The following CFTR variants were observed in gnomAD, a reference collection of about 807,000 sequenced individuals.
CFTR encodes cystic fibrosis transmembrane conductance regulator.
Under a neutral mutation model 171.6 loss-of-function variants are expected in CFTR, and 181 were observed. The ratio of observed to expected loss-of-function variants is 1.05; its 90% CI spans 0.93 to 1.19. CFTR has a LOEUF of 1.19. Among genes scored for constraint, CFTR ranks in the 50% most tolerant of loss-of-function variants. CFTR has a pLI of 0.00. For synonymous variants in CFTR, 583 were observed against 608.0 expected, an observed-to-expected ratio of 0.96 and a Z score of 0.60; for missense variants, 1,968 against 1,734.7, an observed-to-expected ratio of 1.13 and a Z score of -2.39.
Position 117,509,016 on chromosome 7 carries a change from CTT to C in CFTR, c.165-14_165-13del. ...TTGCACATGCAACTTATTGGTCCCA[CTT>C]TTTATTCTTTTGCAGAGAATGGGAT... On this transcript the variant is annotated splice_polypyrimidine_tract_variant and intron_variant, in intron 2 of 26. Transcript: ENST00000003084. 1 of 1,493,770 alleles carries C rather than the reference CTT, an allele frequency of 6.7e-7. No homozygotes were observed. The highest frequency in any genetic ancestry group is 9.3e-7 in the Non-Finnish European group (1 of 1,071,174). The allele number at this position is 1,493,770 out of a possible 1,614,324, so 92.5% of individuals were successfully genotyped here.
At chr7:117,487,923 T>A (rs1436254350) in intron 1 of CFTR, 1 of 152,166 alleles carries the variant, frequency 6.6e-6, no homozygotes, top group African/African-American at 2.4e-5. Flanking sequence ...AAATGAAGCC[T>A]ATGTTGGCTG....
Position 117,540,314 on chromosome 7 carries a change from T to C in CFTR, c.1084T>C (p.Tyr362His). 6.2e-7 allele frequency: 1 copy of C among 1,613,974 alleles called. No homozygotes were observed. The highest frequency in any genetic ancestry group is 1.7e-5 in the Admixed American group (1 of 60,026). Residue 362 changes from tyrosine (Y) to histidine (H), a missense_variant, in exon 8 of 27, where the codon TAT becomes CAT. Tyr to His is a moderately conservative substitution (Grantham distance 83). Transcript: ENST00000003084. The stretch of plus-strand genomic sequence containing the variant: ...ATTTCCCTGGGCTGTACAAACATGG[T>C]ATGACTCTCTTGGAGCAATAAACAA... ...RQFPWAVQTW[Y>H]DSLGAINKIQ...
chr7:117,634,522 CT>C (rs1476841997), intron 22 of CFTR, among the ~76,000 whole-genome samples: 1 of 151,936 alleles, frequency 6.6e-6, no homozygotes, highest in African/African-American at 2.4e-5. Flanking sequence ...ATTTGATCTT[CT>C]TTTGCTAGTT....
chr7:117,513,442 A>G lies in CFTR; in HGVS notation c.273+4300A>G, dbSNP rs867249552. Among the ~76,000 whole-genome samples the G allele has an allele frequency of 1.4e-4, 21 of 151,418 alleles. 1 individual carries two copies. The highest frequency in any genetic ancestry group is 4.6e-4 in the African/African-American group (19 of 41,094). ...AGTTAATCTCTCCTAGATTTGAAAA[A>G]AAAAAAAAAGGTCTAGAAAGGGAGA... is the stretch of plus-strand genomic sequence containing the variant. On this transcript the variant is annotated intron_variant, in intron 3 of 26. Coordinates refer to ENST00000003084, the MANE Select transcript of CFTR (RefSeq NM_000492.4).
intron 11 of CFTR, among the ~76,000 whole-genome samples, chr7:117,576,159 A>G (rs975230984): frequency 6.6e-6 from 1 of 151,898 alleles, no homozygotes; most frequent in African/African-American, 2.4e-5. Flanking sequence ...TCCTTCCCCT[A>G]TTGTCATTCT....
At chr7:117,590,904 C>T (rs1584811720) in intron 13 of CFTR, among the ~76,000 whole-genome samples, 1 of 151,904 alleles carries the variant, frequency 6.6e-6, no homozygotes, top group African/African-American at 2.4e-5. Flanking sequence ...TGGAGATCTC[C>T]TCCTCAGTCA....
intron 22 of CFTR, among the ~76,000 whole-genome samples, chr7:117,632,346 T>C (rs1172293720): frequency 6.6e-6 from 1 of 152,020 alleles, no homozygotes; most frequent in Non-Finnish European, 1.5e-5. Flanking sequence ...GGAGGATCAC[T>C]TGAGCCCTGG....
In CFTR at chr7:117,573,693, A is replaced by G. The variant is rs893731272; in HGVS notation, c.1584+14038A>G. On this transcript the variant is annotated intron_variant, in intron 11 of 26. Coordinates refer to ENST00000003084, the MANE Select transcript of CFTR (RefSeq NM_000492.4). ...ATTAAACCATGCTGAGAAAATTATT[A>G]AAAATTGAAATGGCAGTGGAGGATG... is the stretch of plus-strand genomic sequence containing the variant. 2.0e-5 allele frequency among the ~76,000 whole-genome samples: 3 copies of G among 152,174 alleles called. No homozygotes were observed. The South Asian group carries it at 6.2e-4, about 31-fold the overall frequency.
chr7:117,555,719 A>G (rs1245194241), intron 10 of CFTR, among the ~76,000 whole-genome samples: 1 of 152,226 alleles, frequency 6.6e-6, no homozygotes, highest in Non-Finnish European at 1.5e-5. Flanking sequence ...AGATAAATGA[A>G]CCCAGTATAA....
rs1264197967 is a variant in CFTR, at chr7:117,483,305, A to G, written c.53+3158A>G. Among the ~76,000 whole-genome samples, 2 of 152,166 alleles carry G rather than the reference A, an allele frequency of 1.3e-5. No individual in the cohort carries two copies. Among genetic ancestry groups the G allele is most frequent in the Non-Finnish European group, 2.9e-5 (2 of 68,030 alleles). ...CTAAATAATACATAAATTTCTTCTC[A>G]TAAGTATATATTAGCCACATTATTT... On this transcript the variant is annotated intron_variant, in intron 1 of 26. Transcript: ENST00000003084.
intron 3 of CFTR, among the ~76,000 whole-genome samples, chr7:117,516,770 G>A (rs781763995): frequency 1.1e-4 from 16 of 151,970 alleles, no homozygotes; most frequent in Non-Finnish European, 2.1e-4. Context: ...AGAGAATGGG[G>A]TATCCATCCC....
rs748582435 is a variant in CFTR, at chr7:117,536,558, G to T, written c.754G>T (p.Ala252Ser). The change falls in exon 7 of 27, where the codon GCT becomes TCT. Residue 252 changes from alanine (A) to serine (S), a missense_variant. Coordinates refer to ENST00000003084, the MANE Select transcript of CFTR (RefSeq NM_000492.4). ...RMMMKYRDQR[A>S]GKISERLVIT... The stretch of plus-strand genomic sequence containing the variant: ...TTGATTGATTTACAGAGATCAGAGA[G>T]CTGGGAAGATCAGTGAAAGACTTGT... 2 of 1,591,036 alleles carry T rather than the reference G, an allele frequency of 1.3e-6. No homozygotes were observed. Among genetic ancestry groups the T allele is most frequent in the Non-Finnish European group, 1.7e-6 (2 of 1,166,790 alleles).
chr7:117,665,310 T>G lies in CFTR; in HGVS notation c.4137-149T>G. ...TCTACCCCATGGTTGAAAAGCTGATTGTGGCTAACGCTATATCAACATTAT... is the reference window on the plus strand; with the variant it reads ...TCTACCCCATGGTTGAAAAGCTGATGGTGGCTAACGCTATATCAACATTAT... On this transcript the variant is annotated intron_variant, in intron 25 of 26. Coordinates refer to ENST00000003084, the MANE Select transcript of CFTR (RefSeq NM_000492.4). 3.1e-5 allele frequency: 19 copies of G among 613,148 alleles called. No homozygotes were observed. The South Asian group carries it at 3.8e-4, about 12-fold the overall frequency. The allele number at this position is 613,148 out of a possible 1,614,324, so 38.0% of individuals were successfully genotyped here.
chr7:117,648,164 C>A (rs1237337276), intron 23 of CFTR, among the ~76,000 whole-genome samples: 1 of 151,256 alleles, frequency 6.6e-6, no homozygotes, highest in Non-Finnish European at 1.5e-5. Flanking sequence ...TACACGCACA[C>A]ACACACACAC....
intron 7 of CFTR, among the ~76,000 whole-genome samples, chr7:117,537,873 C>T (rs1050972872): frequency 6.6e-6 from 1 of 152,128 alleles, no homozygotes; most frequent in Admixed American, 6.6e-5. Context: ...CTCCATCACA[C>T]TTGCTCTCTG....
chr7:117,601,276 A>G (rs1792220500), intron 15 of CFTR, among the ~76,000 whole-genome samples: 1 of 152,072 alleles, frequency 6.6e-6, no homozygotes, highest in Non-Finnish European at 1.5e-5. Context: ...TGAAATAGCT[A>G]ATTTCTGGGT....
At chr7:117,550,543 C>G (rs1425581889) in intron 10 of CFTR, among the ~76,000 whole-genome samples, 2 of 151,864 alleles carry the variant, frequency 1.3e-5, no homozygotes, top group Admixed American at 6.6e-5. Flanking sequence ...AAAAATTATA[C>G]TATAGGAGGG....
At position 117,627,750 on chromosome 7, in the gene CFTR, T is replaced by C; in HGVS notation, c.3697T>C (p.Ser1233Pro). The C allele has an allele frequency of 6.2e-7, 1 of 1,612,336 alleles. No homozygotes were observed. The highest frequency in any genetic ancestry group is 8.5e-7 in the Non-Finnish European group (1 of 1,179,408). Residue 1233 changes from serine to proline, a missense_variant, in exon 22 of 27, where the codon TCA (serine) becomes CCA (proline). Physicochemically the swap from Ser to Pro is moderately conservative, Grantham distance 74. Transcript: ENST00000003084. ...GNAILENISF[S>P]ISPGQRVGLL... Reference sequence around the variant, plus strand: ...TGCCATATTAGAGAACATTTCCTTCTCAATAAGTCCTGGCCAGAGGGTGAG... The same window carrying C: ...TGCCATATTAGAGAACATTTCCTTCCCAATAAGTCCTGGCCAGAGGGTGAG...
At chr7:117,612,932 T>C (rs1371861026) in intron 20 of CFTR, among the ~76,000 whole-genome samples, 1 of 151,962 alleles carries the variant, frequency 6.6e-6, no homozygotes, top group Non-Finnish European at 1.5e-5. Flanking sequence ...TACAGGAGAG[T>C]TCCTCTGTAC....
Sources: gnomAD v4.1 joint callset for allele counts (sites outside exome capture counted in the v4.1 genomes callset) on GRCh38, gnomAD v4.1.1 for gene constraint, MANE v1.5 for transcripts, NCBI Gene and HGNC (gene_info 2026-07-23, HGNC 2026-07-21) for gene names.